MBNL3: variants seen among roughly 807,000 people sequenced by gnomAD.
The protein encoded by MBNL3 is muscleblind like splicing regulator 3, also known as muscleblind-like protein 3.
MBNL3 carries 6 observed loss-of-function variants against 24.5 expected under a neutral mutation model. That is an observed-to-expected ratio of 0.25 (90% CI 0.13 to 0.48). MBNL3 has a LOEUF of 0.48. Among genes scored for constraint, MBNL3 ranks in the 20% least tolerant of loss-of-function variants. The pLI is 0.99. For missense variants in MBNL3, 230 were observed against 293.5 expected (o/e 0.78, Z 1.58); for synonymous variants, 100 against 101.7 (o/e 0.98, Z 0.10).
At chrX:132,387,603 C>T (rs978643639) in intron 5 of MBNL3, among the ~76,000 whole-genome samples, 2 of 111,150 alleles carry the variant, frequency 1.8e-5, no homozygotes, top group Non-Finnish European at 3.8e-5. Context: ...ACACTGTCAC[C>T]CCATAAAATA....
Position 132,406,318 on chromosome X carries a change from C to A in MBNL3, c.252G>T (p.Gly84=), listed in dbSNP as rs1941820379. 2 of 1,211,357 alleles carry A rather than the reference C, an allele frequency of 1.7e-6. No homozygotes were observed. The highest frequency in any genetic ancestry group is 3.5e-5 in the African/African-American group (2 of 57,785). The part of the protein sequence containing the change: ...PHLKTQLEIN[G]RNNLIQQKTA... ...TCTTCTGTTGAATCAGATTGTTCCG[C>A]CCATTAATCTCCAGCTGCGTTTTTA... Residue 84 remains glycine (G), a synonymous_variant, in exon 3 of 9, where the codon GGG becomes GGT. Transcript: ENST00000370853.
Position 132,420,130 on chromosome X carries a change from T to G in MBNL3, c.178-13738A>C, listed in dbSNP as rs1291166918. ...GGAATCTTGGGCCATGCAGTGAGTCTTACAGTTCTAACAGAAGCCATGGGT... is the reference window on the plus strand; with the variant it reads ...GGAATCTTGGGCCATGCAGTGAGTCGTACAGTTCTAACAGAAGCCATGGGT... On this transcript the variant is annotated intron_variant, in intron 2 of 8. Coordinates refer to ENST00000370853, the MANE Select transcript of MBNL3 (RefSeq NM_001386889.1). Among the ~76,000 whole-genome samples, 19 of 111,560 alleles carry G rather than the reference T, an allele frequency of 1.7e-4. No individual in the cohort carries two copies. In the Admixed American group the frequency reaches 1.7e-3, roughly 10 times the overall value.
chrX:132,400,973 C>A (rs1044379395), intron 3 of MBNL3, among the ~76,000 whole-genome samples: 1 of 111,904 alleles, frequency 8.9e-6, no homozygotes. Context: ...TGTAATGTCA[C>A]CACATCAAGA....
In MBNL3 at chrX:132,369,410, A is replaced by G. The variant is rs1461352490; in HGVS notation, c.*10256T>C. On this transcript the variant is annotated 3_prime_UTR_variant, in exon 9 of 9. Coordinates refer to ENST00000370853, the MANE Select transcript of MBNL3 (RefSeq NM_001386889.1). ...ATATATACAGAAATATATATAATTA[A>G]CATGGATCCAATTATCTCATAACTG... is the stretch of plus-strand genomic sequence containing the variant. 1.8e-5 allele frequency: 2 copies of G among 112,074 alleles called. No individual in the cohort carries two copies. Among genetic ancestry groups the G allele is most frequent in the African/African-American group, 6.5e-5 (2 of 30,823 alleles). The allele number at this position is 112,074 out of a possible 1,213,427, so 9.2% of individuals were successfully genotyped here. A position where few individuals can be genotyped will look rare whatever the true frequency, so the allele number is the denominator to read the frequency against.
chrX:132,474,580 T>C (rs971489320), intron 1 of MBNL3, among the ~76,000 whole-genome samples: 1 of 111,688 alleles, frequency 9.0e-6, no homozygotes, highest in Admixed American at 9.5e-5. Context: ...TATGAATTAC[T>C]TGATCAGACT....
At position 132,377,697 on chromosome X, in the gene MBNL3, A is replaced by C. The variant is rs1934264875; in HGVS notation, c.*1969T>G. ...TGGATTCAGTTCCATCAACTATAAA[A>C]AGGATTTTGCTAATTCCATTGTTCT... On this transcript the variant is annotated 3_prime_UTR_variant, in exon 9 of 9. Transcript: ENST00000370853. The C allele has an allele frequency of 9.0e-6, 1 of 110,580 alleles. No individual in the cohort carries two copies. Among genetic ancestry groups the C allele is most frequent in the South Asian group, 3.8e-4 (1 of 2,607 alleles). The allele number at this position is 110,580 out of a possible 1,213,427, so 9.1% of individuals were successfully genotyped here. A position where few individuals can be genotyped will look rare whatever the true frequency, so the allele number is the denominator to read the frequency against.
intron 8 of MBNL3, among the ~76,000 whole-genome samples, 167 bp downstream of exon 8, chrX:132,382,011 T>C (rs1340033211): frequency 1.8e-5 from 2 of 112,324 alleles, no homozygotes; most frequent in Non-Finnish European, 3.8e-5. Flanking sequence ...TTGGGATGAA[T>C]AGCAAAGCAC....
rs1294755960 is a variant in MBNL3, at chrX:132,377,669, C to T, written c.*1997G>A. The T allele has an allele frequency of 1.8e-5, 2 of 110,710 alleles. No individual in the cohort carries two copies. Among genetic ancestry groups the T allele is most frequent in the Non-Finnish European group, 3.8e-5 (2 of 52,790 alleles). 9.1% of individuals were successfully genotyped at this position (110,710 alleles called of 1,213,427 possible). A position where few individuals can be genotyped will look rare whatever the true frequency, so the allele number is the denominator to read the frequency against. ...AGGTAGCCTTGGGCAAGTCATATGC[C>T]CCTGGATTCAGTTCCATCAACTATA... On this transcript the variant is annotated 3_prime_UTR_variant, in exon 9 of 9. Coordinates refer to ENST00000370853, the MANE Select transcript of MBNL3 (RefSeq NM_001386889.1).
intron 1 of MBNL3, among the ~76,000 whole-genome samples, chrX:132,457,251 T>A (rs1055199020): frequency 3.6e-5 from 4 of 111,427 alleles, no homozygotes; most frequent in Non-Finnish European, 7.5e-5. Flanking sequence ...AAGATCTGAG[T>A]AAGAGCCTAC....
intron 2 of MBNL3, among the ~76,000 whole-genome samples, chrX:132,412,420 A>G (rs1260286918): frequency 1.8e-5 from 2 of 112,350 alleles, no homozygotes; most frequent in African/African-American, 6.5e-5. Context: ...GCCGCAAGTC[A>G]AATTCCCTGA....
At chrX:132,456,557 AT>A (rs992990663) in intron 1 of MBNL3, among the ~76,000 whole-genome samples, 1 of 112,192 alleles carries the variant, frequency 8.9e-6, no homozygotes, top group African/African-American at 3.2e-5. Flanking sequence ...TCATTTAATC[AT>A]CCCCAATATC....
intron 1 of MBNL3, among the ~76,000 whole-genome samples, chrX:132,479,285 T>C (rs1336971044): frequency 8.9e-6 from 1 of 111,906 alleles, no homozygotes; most frequent in Non-Finnish European, 1.9e-5. Context: ...CATACATACA[T>C]ACATACAGCT....
chrX:132,475,712 T>C (rs1389808778), intron 1 of MBNL3, among the ~76,000 whole-genome samples: 1 of 111,618 alleles, frequency 9.0e-6, no homozygotes, highest in African/African-American at 3.3e-5. Context: ...TATAAACTCC[T>C]GCCTACAGAT....
chrX:132,397,004 T>G (rs1250016366), intron 3 of MBNL3, among the ~76,000 whole-genome samples: 1 of 93,918 alleles, frequency 1.1e-5, no homozygotes, highest in Non-Finnish European at 2.1e-5. Context: ...ATGAATTTAG[T>G]ATTTGTAGCA....
At chrX:132,467,500 TAA>T (rs1330670018) in intron 1 of MBNL3, among the ~76,000 whole-genome samples, 1 of 112,177 alleles carries the variant, frequency 8.9e-6, no homozygotes, top group African/African-American at 3.2e-5. Context: ...GAACTATCAT[TAA>T]CTCATTTTCT....
intron 5 of MBNL3, among the ~76,000 whole-genome samples, chrX:132,388,460 C>T (rs1023115925): frequency 9.8e-5 from 11 of 112,310 alleles, no homozygotes; most frequent in African/African-American, 3.6e-4. Flanking sequence ...TTGGTATAAA[C>T]GGGGAGTGTC....
intron 2 of MBNL3, chrX:132,430,554 C>T (rs1396618007): frequency 8.9e-6 from 1 of 111,756 alleles, no homozygotes; most frequent in Non-Finnish European, 1.9e-5. Context: ...GAGTACTGGT[C>T]ATTTATTCTG....
intron 3 of MBNL3, among the ~76,000 whole-genome samples, chrX:132,398,785 T>G (rs888230399): frequency 1.8e-5 from 2 of 110,377 alleles, no homozygotes; most frequent in East Asian, 2.8e-4. Context: ...TTATCAAGGG[T>G]TTGACCAACC....
At chrX:132,457,899 C>A (rs1946450735) in intron 1 of MBNL3, among the ~76,000 whole-genome samples, 1 of 111,525 alleles carries the variant, frequency 9.0e-6, no homozygotes, top group Non-Finnish European at 1.9e-5. Context: ...AACAACACAA[C>A]TCATGTTTTC....
Sources: gnomAD v4.1 joint callset for allele counts (sites outside exome capture counted in the v4.1 genomes callset) on GRCh38, gnomAD v4.1.1 for gene constraint, MANE v1.5 for transcripts, NCBI Gene and HGNC (gene_info 2026-07-23, HGNC 2026-07-21) for gene names.